Variants in FAM110A observed in about 807,000 individuals in gnomAD.
FAM110A encodes family with sequence similarity 110 member A.
Under a neutral mutation model 4.0 loss-of-function variants are expected in FAM110A, and 1 was observed. That is an observed-to-expected ratio of 0.25 (90% CI 0.09 to 1.20). The LOEUF (loss-of-function observed/expected upper bound fraction) is 1.20. FAM110A is among the 50% of genes most tolerant of loss of function. FAM110A has a pLI of 0.50. For missense variants in FAM110A, 436 were observed against 429.2 expected (o/e 1.02, Z -0.14); for synonymous variants, 217 against 196.8 (o/e 1.10, Z -0.86).
chr20:845,862 T>G lies in FAM110A; in HGVS notation c.*170T>G, dbSNP rs2122708734. On this transcript the variant is annotated 3_prime_UTR_variant, in exon 2 of 2. Coordinates refer to ENST00000381941, the MANE Select transcript of FAM110A (RefSeq NM_001042353.3). The stretch of plus-strand genomic sequence containing the variant: ...TGGACCAGCATTGTTGGGCAAGGAC[T>G]GACTCTCCAAGGGTTTTGTTCTTGG... 3 of 1,394,704 alleles carry G rather than the reference T, an allele frequency of 2.2e-6. No individual in the cohort carries two copies. In the East Asian group the frequency reaches 7.6e-5, roughly 35 times the overall value. The allele number at this position is 1,394,704 out of a possible 1,614,324, so 86.4% of individuals were successfully genotyped here. A position where few individuals can be genotyped will look rare whatever the true frequency, so the allele number is the denominator to read the frequency against.
At position 845,770 on chromosome 20, in the gene FAM110A, C is replaced by A; in HGVS notation, c.*78C>A. On this transcript the variant is annotated 3_prime_UTR_variant, in exon 2 of 2. Coordinates refer to ENST00000381941, the MANE Select transcript of FAM110A (RefSeq NM_001042353.3). The stretch of plus-strand genomic sequence containing the variant: ...TCCCTGGACCTCTCTTGCATCCATT[C>A]TCTAGACGGCCGTGTCAGAGGCTCC... The A allele has an allele frequency of 7.0e-6, 11 of 1,572,128 alleles. No individual in the cohort carries two copies. Among genetic ancestry groups the A allele is most frequent in the South Asian group, 2.4e-5 (2 of 84,788 alleles).
In FAM110A at chr20:845,740, A is replaced by G. The variant is rs955164752; in HGVS notation, c.*48A>G. On this transcript the variant is annotated 3_prime_UTR_variant, in exon 2 of 2. Transcript: ENST00000381941. ...CCACAGGACGGATCTTACAGAGGCA[A>G]GTGGTCCCTGGACCTCTCTTGCATC... 2.5e-6 allele frequency: 4 copies of G among 1,610,282 alleles called. No individual in the cohort carries two copies. Among genetic ancestry groups the G allele is most frequent in the Non-Finnish European group, 3.4e-6 (4 of 1,178,356 alleles).
chr20:835,508 G>GT (rs1351661500), intron 1 of FAM110A, among the ~76,000 whole-genome samples: 8 of 152,014 alleles, frequency 5.3e-5, no homozygotes, highest in African/African-American at 1.9e-4. Context: ...GACCTTGCAT[G>GT]TGTTATCTTC....
In FAM110A at chr20:839,621, A is replaced by T. The variant is rs1979766402; in HGVS notation, c.-97-5087A>T. 4.4e-6 allele frequency: 5 copies of T among 1,127,942 alleles called. No homozygotes were observed. In the East Asian group the frequency reaches 9.4e-5, roughly 21 times the overall value. 69.9% of individuals were successfully genotyped at this position (1,127,942 alleles called of 1,614,324 possible). A position where few individuals can be genotyped will look rare whatever the true frequency, so the allele number is the denominator to read the frequency against. ...GTCTTGCAGGTCGCTTACCCTCCAG[A>T]CCTTTAGGCCGAGGCCTGCCAGTCT... On this transcript the variant is annotated intron_variant, in intron 1 of 1. Coordinates refer to ENST00000381941, the MANE Select transcript of FAM110A (RefSeq NM_001042353.3).
chr20:837,951 G>C (rs1438853451), intron 1 of FAM110A, among the ~76,000 whole-genome samples: 1 of 151,966 alleles, frequency 6.6e-6, no homozygotes, highest in Non-Finnish European at 1.5e-5. Context: ...TAATTACAAA[G>C]GGAAAATAAT....
chr20:838,319 T>C (rs1979691694), intron 1 of FAM110A, among the ~76,000 whole-genome samples: 1 of 152,264 alleles, frequency 6.6e-6, no homozygotes, highest in Non-Finnish European at 1.5e-5. Flanking sequence ...TCTTTCTTAC[T>C]GATATAAGAA....
chr20:839,330 A>G (rs1209218323), intron 1 of FAM110A: 1 of 436,980 alleles, frequency 2.3e-6, no homozygotes, highest in African/African-American at 2.0e-5. Context: ...GGATTAAATT[A>G]GTTAACATTT....
At chr20:835,200 C>CTCTATATATATA (rs757995617) in intron 1 of FAM110A, among the ~76,000 whole-genome samples, 1 of 140,492 alleles carries the variant, frequency 7.1e-6, no homozygotes, top group African/African-American at 2.7e-5. Context: ...CTCTCTCTCT[C>CTCTATATATATA]TATATATATA....
At position 845,700 on chromosome 20, in the gene FAM110A, T is replaced by G. The variant is rs535040807; in HGVS notation, c.*8T>G. 15 of 1,613,844 alleles carry G rather than the reference T, an allele frequency of 9.3e-6. No individual in the cohort carries two copies. The Middle Eastern group carries it at 5.0e-4, about 53-fold the overall frequency. ...CCAGCAGCTGAAGGCTAGGCGCCAC[T>G]GGGCCTGGAATTCGCCACAGGACGG... On this transcript the variant is annotated 3_prime_UTR_variant, in exon 2 of 2. Coordinates refer to ENST00000381941, the MANE Select transcript of FAM110A (RefSeq NM_001042353.3).
chr20:838,782 T>A (rs1261106327), intron 1 of FAM110A, among the ~76,000 whole-genome samples: 1 of 150,144 alleles, frequency 6.7e-6, no homozygotes, highest in Non-Finnish European at 1.5e-5. Flanking sequence ...AAGGACTGAG[T>A]CCTGGAAGGC....
chr20:835,629 C>T (rs568586296), intron 1 of FAM110A, among the ~76,000 whole-genome samples: 20 of 152,340 alleles, frequency 1.3e-4, no homozygotes, highest in Non-Finnish European at 2.1e-4. Flanking sequence ...ACATCCACAC[C>T]CATTCCACAG....
In FAM110A at chr20:834,277, C is replaced by T. The variant is rs1979462505; in HGVS notation, c.-98+326C>T. ...CTGGATCACATATCCCCGCGCCCCA[C>T]ACTGTCCTCGGGATACCCCCTTTGG... On this transcript the variant is annotated intron_variant, in intron 1 of 1. Transcript: ENST00000381941. The surrounding 1 kb of genome is among the most constrained non-coding windows in gnomAD (Gnocchi z 5.6). Among the ~76,000 whole-genome samples, 1 of 152,234 alleles carries T rather than the reference C, an allele frequency of 6.6e-6. No individual in the cohort carries two copies. The highest frequency in any genetic ancestry group is 2.1e-4 in the South Asian group (1 of 4,838).
chr20:835,194 C>CTATA (rs1485050831), intron 1 of FAM110A, among the ~76,000 whole-genome samples: 186 of 124,312 alleles, frequency 1.5e-3, no homozygotes, highest in Non-Finnish European at 2.0e-3. Context: ...CTCTCTCTCT[C>CTATA]TCTCTCTATA....
intron 1 of FAM110A, among the ~76,000 whole-genome samples, chr20:838,807 G>A (rs770883362): frequency 3.1e-4 from 46 of 150,682 alleles, no homozygotes; most frequent in Non-Finnish European, 5.7e-4. Flanking sequence ...GGGCCAAGTG[G>A]GGAGCTTGGA....
At position 835,719 on chromosome 20, in the gene FAM110A, C is replaced by T. The variant is rs554209437; in HGVS notation, c.-98+1768C>T. Among the ~76,000 whole-genome samples, 20 of 152,358 alleles carry T rather than the reference C, an allele frequency of 1.3e-4. No homozygotes were observed. The South Asian group carries it at 2.3e-3, about 17-fold the overall frequency. Reference sequence around the variant, plus strand: ...ACTCCTGGGCAGGCCAGGGCACCAGCGTCTGGGAGGCCTCCAGAAATAGCT... The same window carrying T: ...ACTCCTGGGCAGGCCAGGGCACCAGTGTCTGGGAGGCCTCCAGAAATAGCT... On this transcript the variant is annotated intron_variant, in intron 1 of 1. Coordinates refer to ENST00000381941, the MANE Select transcript of FAM110A (RefSeq NM_001042353.3).
intron 1 of FAM110A, among the ~76,000 whole-genome samples, chr20:842,312 G>A (rs771193048): frequency 8.5e-5 from 13 of 152,218 alleles, no homozygotes; most frequent in Non-Finnish European, 1.8e-4. Context: ...GGGGCTGGGG[G>A]CCCGATCGGG....
chr20:841,276 C>A (rs1600009948), intron 1 of FAM110A: 1 of 152,154 alleles, frequency 6.6e-6, no homozygotes, highest in East Asian at 1.9e-4. Context: ...CCAGGTGGGC[C>A]GGGCCGGAGG....
chr20:842,839 T>C (rs1340189926), intron 1 of FAM110A, among the ~76,000 whole-genome samples: 1 of 152,188 alleles, frequency 6.6e-6, no homozygotes. Flanking sequence ...GCAGGGTACC[T>C]AGATGTCTAG....
rs1291145983 is a variant in FAM110A, at chr20:839,056, T to G, written c.-98+5105T>G. On this transcript the variant is annotated intron_variant, in intron 1 of 1. Coordinates refer to ENST00000381941, the MANE Select transcript of FAM110A (RefSeq NM_001042353.3). ...CATGACCAGGGAGTGCTTCCTAAGGTGGTTTCTCCCTCTGGGGTCCAGCCG... is the reference window on the plus strand; with the variant it reads ...CATGACCAGGGAGTGCTTCCTAAGGGGGTTTCTCCCTCTGGGGTCCAGCCG... 2.6e-5 allele frequency among the ~76,000 whole-genome samples: 4 copies of G among 151,924 alleles called. No individual in the cohort carries two copies. The East Asian group carries it at 7.7e-4, about 29-fold the overall frequency.
Sources: allele counts gnomAD v4.1 joint callset (sites outside exome capture counted in the v4.1 genomes callset), GRCh38; gene constraint gnomAD v4.1.1; non-coding constraint Gnocchi (gnomAD v3.1); transcripts MANE v1.5; gene names NCBI Gene and HGNC (gene_info 2026-07-23, HGNC 2026-07-21).